REPS2: variants seen among roughly 807,000 people sequenced by gnomAD.
REPS2 encodes the protein RALBP1 associated Eps domain containing 2.
REPS2 carries 23 observed loss-of-function variants against 53.6 expected under a neutral mutation model. The ratio of observed to expected loss-of-function variants is 0.43; its 90% confidence interval spans 0.31 to 0.61. REPS2 has a LOEUF of 0.61. REPS2 is among the 20% of genes least tolerant of loss of function. REPS2 has a pLI of 0.11. For missense variants in REPS2, 446 were observed against 534.9 expected (o/e 0.83, Z 1.64); for synonymous variants, 238 against 218.6 (o/e 1.09, Z -0.78).
intron 14 of REPS2, among the ~76,000 whole-genome samples, chrX:17,132,514 G>A (rs919737801): frequency 2.7e-4 from 31 of 112,895 alleles, no homozygotes; most frequent in African/African-American, 9.3e-4. Flanking sequence ...CTCCACATCA[G>A]TCCAGCTTCA....
intron 1 of REPS2, among the ~76,000 whole-genome samples, chrX:16,988,453 C>A (rs1293034653): frequency 9.0e-6 from 1 of 111,713 alleles, no homozygotes; most frequent in African/African-American, 3.3e-5. Context: ...ACATACTAGC[C>A]ATAAACAAAT....
At chrX:17,062,172 C>T (rs1447837593) in intron 8 of REPS2, among the ~76,000 whole-genome samples, 2 of 112,140 alleles carry the variant, frequency 1.8e-5, no homozygotes, top group African/African-American at 3.2e-5. Flanking sequence ...AGTTCAAGTC[C>T]CTGCTCTTCC....
chrX:17,026,067 GGCTGTAATCTT>G lies in REPS2; in HGVS notation c.673+885_673+895del, dbSNP rs2061641859. Among the ~76,000 whole-genome samples the G allele has an allele frequency of 2.7e-5, 3 of 111,792 alleles. No homozygotes were observed. In the South Asian group the frequency reaches 1.1e-3, roughly 41 times the overall value. ...CTGCGCGCTAGGCTGAATAAAGAGA[GGCTGTAATCTT>G]GCAGAGAGAAGCAGGCGTGGCATAA... On this transcript the variant is annotated intron_variant, in intron 4 of 17. Transcript: ENST00000357277.
intron 14 of REPS2, among the ~76,000 whole-genome samples, chrX:17,118,249 G>A (rs1001286131): frequency 8.2e-5 from 9 of 109,733 alleles, no homozygotes; most frequent in Middle Eastern, 4.8e-3. Flanking sequence ...GTGAGCCACC[G>A]CGCCCGGCCG....
At chrX:17,064,571 ATTTCTT>A (rs1267346255) in intron 9 of REPS2, among the ~76,000 whole-genome samples, 1 of 112,332 alleles carries the variant, frequency 8.9e-6, no homozygotes, top group Non-Finnish European at 1.9e-5. Flanking sequence ...TTTCAAGTAT[ATTTCTT>A]TTTATGAGTG....
chrX:16,963,731 G>T (rs1472371368), intron 1 of REPS2, among the ~76,000 whole-genome samples: 1 of 111,460 alleles, frequency 9.0e-6, no homozygotes, highest in African/African-American at 3.3e-5. Context: ...GTTGCGCTGG[G>T]GGGGCCAGTA....
At chrX:16,966,036 T>C (rs1473854880) in intron 1 of REPS2, among the ~76,000 whole-genome samples, 2 of 111,475 alleles carry the variant, frequency 1.8e-5, no homozygotes, top group Non-Finnish European at 3.8e-5. Flanking sequence ...GGCAGGGAGG[T>C]TGCAGTGAGC....
chrX:17,096,548 T>A (rs752098679), intron 13 of REPS2, among the ~76,000 whole-genome samples: 2,391 of 96,480 alleles, frequency 0.025, 85 homozygotes, highest in African/African-American at 0.088. Flanking sequence ...TCGTCCCAGC[T>A]ACTTGGGAGG....
chrX:17,058,073 C>A (rs1310470856), intron 8 of REPS2, among the ~76,000 whole-genome samples: 1 of 111,925 alleles, frequency 8.9e-6, no homozygotes, highest in Non-Finnish European at 1.9e-5. Context: ...TGCCATATGG[C>A]CATGGAACCT....
intron 2 of REPS2, among the ~76,000 whole-genome samples, chrX:17,015,958 C>G (rs938325577): frequency 7.2e-5 from 8 of 111,762 alleles, no homozygotes; most frequent in Admixed American, 6.6e-4. Context: ...AATGGTATTT[C>G]TAGTTCTAGA....
the REPS2 span, among the ~76,000 whole-genome samples, chrX:17,191,555 C>A: frequency 8.9e-6 from 1 of 112,110 alleles, no homozygotes; most frequent in Non-Finnish European, 1.9e-5. Context: ...CTACATTTAC[C>A]AGCAATCCCA....
At chrX:17,184,022 CTT>C in the REPS2 span, among the ~76,000 whole-genome samples, 4 of 110,188 alleles carry the variant, frequency 3.6e-5, no homozygotes, top group African/African-American at 1.3e-4. Flanking sequence ...ACCTCATCCT[CTT>C]TGTTTCTTTT....
At chrX:16,994,669 G>A (rs1050282532) in intron 1 of REPS2, among the ~76,000 whole-genome samples, 29 of 111,221 alleles carry the variant, frequency 2.6e-4, no homozygotes, top group African/African-American at 9.5e-4. Context: ...CAGAGGGAAG[G>A]GTGGGAGGTG....
intron 2 of REPS2, 95 bp from the exon 3 acceptor site, chrX:17,022,028 C>T (rs1295555652): frequency 2.5e-6 from 2 of 801,186 alleles, no homozygotes; most frequent in East Asian, 6.4e-5. Flanking sequence ...GGAATTTTTC[C>T]TCAAAAATGA....
chrX:16,954,556 C>A (rs1224148931), intron 1 of REPS2, among the ~76,000 whole-genome samples: 1 of 111,199 alleles, frequency 9.0e-6, no homozygotes, highest in Non-Finnish European at 1.9e-5. Flanking sequence ...GGTCAAATGG[C>A]AAGACTGATG....
rs1196755965 is a variant in REPS2, at chrX:17,128,715, G to GATC, written c.1579-5106_1579-5104dup. ...ATTTCTGGGAAGTCAGCTCAGCAGG[G>GATC]ATCATATTGTCCCATCAACCATGGG... On this transcript the variant is annotated intron_variant, in intron 14 of 17. Coordinates refer to ENST00000357277, the MANE Select transcript of REPS2 (RefSeq NM_004726.3). Among the ~76,000 whole-genome samples the GATC allele has an allele frequency of 3.5e-5, 4 of 112,757 alleles. No homozygotes were observed. The South Asian group carries it at 1.1e-3, about 31-fold the overall frequency.
chrX:17,085,265 T>C (rs1422365504), intron 13 of REPS2, among the ~76,000 whole-genome samples: 1 of 112,453 alleles, frequency 8.9e-6, no homozygotes, highest in Non-Finnish European at 1.9e-5. Context: ...CCACAGTGTC[T>C]TGATAATTGT....
chrX:17,141,567 A>T (rs1232364672), intron 17 of REPS2, among the ~76,000 whole-genome samples: 2 of 111,968 alleles, frequency 1.8e-5, no homozygotes, highest in Non-Finnish European at 3.8e-5. Flanking sequence ...TGGTAAGTGT[A>T]TGTGATTAGT....
At chrX:16,979,581 G>A (rs1006993153) in intron 1 of REPS2, among the ~76,000 whole-genome samples, 11 of 111,650 alleles carry the variant, frequency 9.9e-5, no homozygotes, top group African/African-American at 3.6e-4. Flanking sequence ...GTGAACATGG[G>A]TTGTTTCATT....
Sources: gnomAD v4.1 joint callset for allele counts (sites outside exome capture counted in the v4.1 genomes callset) on GRCh38, gnomAD v4.1.1 for gene constraint, MANE v1.5 for transcripts, NCBI Gene and HGNC (gene_info 2026-07-23, HGNC 2026-07-21) for gene names.